The following RAB43 variants were observed in gnomAD, a reference collection of about 807,000 sequenced individuals.
RAB43 encodes the protein ras-related protein Rab-43.
In RAB43, 6 loss-of-function variants were observed where a neutral mutation model predicts 18.8. The ratio of observed to expected loss-of-function variants is 0.32; its 90% CI spans 0.17 to 0.63. The LOEUF (loss-of-function observed/expected upper bound fraction) is 0.63, where lower values mean the gene tolerates loss of function less well. RAB43 is among the 30% of genes least tolerant of loss of function. The pLI, the probability that RAB43 is intolerant of heterozygous loss-of-function variation, is 0.79. For synonymous variants in RAB43, 103 were observed against 124.1 expected (o/e 0.83, Z 1.13); for missense variants, 195 against 289.1 (o/e 0.67, Z 2.36).
Position 129,095,861 on chromosome 3 carries a change from C to CT in RAB43, c.205-693dup, listed in dbSNP as rs954812622. Reference sequence around the variant, plus strand: ...AAGAGGTGCCCATGGGTGGGAGGAGCTTCCCTAGTGTCTTTTAGAAGCAGA... The same window carrying CT: ...AAGAGGTGCCCATGGGTGGGAGGAGCTTTCCCTAGTGTCTTTTAGAAGCAGA... On this transcript the variant is annotated intron_variant, in intron 1 of 2. Coordinates refer to ENST00000315150, the MANE Select transcript of RAB43 (RefSeq NM_198490.3). The surrounding 1 kb of genome is among the most constrained non-coding windows in gnomAD (Gnocchi z 4.2). Among the ~76,000 whole-genome samples, 7 of 152,176 alleles carry CT rather than the reference C, an allele frequency of 4.6e-5. No individual in the cohort carries two copies. Among genetic ancestry groups the CT allele is most frequent in the African/African-American group, 1.7e-4 (7 of 41,434 alleles).
At chr3:129,096,908 T>A (rs1362150162) in intron 1 of RAB43, among the ~76,000 whole-genome samples, 1 of 151,770 alleles carries the variant, frequency 6.6e-6, no homozygotes, top group Non-Finnish European at 1.5e-5. Flanking sequence ...AGATCAAGAG[T>A]TCGAGACCAG....
intron 1 of RAB43, among the ~76,000 whole-genome samples, chr3:129,111,656 G>T (rs1250331856): frequency 6.6e-6 from 1 of 151,886 alleles, no homozygotes; most frequent in Non-Finnish European, 1.5e-5. Context: ...GAAACCCAAA[G>T]AAAACTGTAG....
chr3:129,113,165 TTATTA>T (rs1163340265), intron 1 of RAB43, among the ~76,000 whole-genome samples: 1 of 148,360 alleles, frequency 6.7e-6, no homozygotes, highest in Admixed American at 6.8e-5. Flanking sequence ...ATTATTATTA[TTATTA>T]TTTTTTTTTT....
At chr3:129,111,544 G>A (rs1013308455) in intron 1 of RAB43, among the ~76,000 whole-genome samples, 6 of 145,610 alleles carry the variant, frequency 4.1e-5, no homozygotes, top group Non-Finnish European at 6.0e-5. Flanking sequence ...GACCTGTGCT[G>A]CCAGCCATGG....
chr3:129,121,570 C>G lies in RAB43; in HGVS notation c.-81G>C. On this transcript the variant is annotated 5_prime_UTR_variant, in exon 1 of 3. Transcript: ENST00000315150. Reference sequence around the variant, plus strand: ...ACGCAAGCCGCGGGCCGAGCTCCGCCCGCTCCAGCCCACGGGCCGCCTGGC... The same window carrying G: ...ACGCAAGCCGCGGGCCGAGCTCCGCGCGCTCCAGCCCACGGGCCGCCTGGC... 8.1e-7 allele frequency: 1 copy of G among 1,235,780 alleles called. No homozygotes were observed. The highest frequency in any genetic ancestry group is 1.5e-5 in the South Asian group (1 of 65,202). The allele number at this position is 1,235,780 out of a possible 1,614,324, so 76.6% of individuals were successfully genotyped here.
At position 129,109,238 on chromosome 3, in the gene RAB43, A is replaced by G. The variant is rs555398659; in HGVS notation, c.204+12048T>C. 2.5e-3 allele frequency among the ~76,000 whole-genome samples: 376 copies of G among 151,854 alleles called. 1 individual carries two copies. The highest frequency in any genetic ancestry group is 3.2e-3 in the Non-Finnish European group (220 of 67,942). On this transcript the variant is annotated intron_variant, in intron 1 of 2. Coordinates refer to ENST00000315150, the MANE Select transcript of RAB43 (RefSeq NM_198490.3). Reference sequence around the variant, plus strand: ...ATCCTGGCTAACATGGTGAAACCCCATCTCTACTAAAAATACAAAAAATTA... The same window carrying G: ...ATCCTGGCTAACATGGTGAAACCCCGTCTCTACTAAAAATACAAAAAATTA...
At chr3:129,098,327 T>C (rs1234603181) in intron 1 of RAB43, among the ~76,000 whole-genome samples, 1 of 152,170 alleles carries the variant, frequency 6.6e-6, no homozygotes, top group Non-Finnish European at 1.5e-5. Flanking sequence ...AGAAACACCT[T>C]AGTCTTTCCA....
chr3:129,091,419 C>G (rs891357551), intron 2 of RAB43, 73 bp from the exon 3 acceptor site: 2 of 1,510,348 alleles, frequency 1.3e-6, no homozygotes, highest in South Asian at 2.5e-5. Context: ...GAGGGTCACG[C>G]TGACAGCCCC....
Position 129,092,670 on chromosome 3 carries a change from C to A in RAB43, c.389-1324G>T, listed in dbSNP as rs543114710. 1.6e-5 allele frequency: 8 copies of A among 490,820 alleles called. No individual in the cohort carries two copies. In the South Asian group the frequency reaches 1.9e-4, roughly 12 times the overall value. 30.4% of individuals were successfully genotyped at this position (490,820 alleles called of 1,614,324 possible). A position where few individuals can be genotyped will look rare whatever the true frequency, so the allele number is the denominator to read the frequency against. ...TATTTTCATAGCTGTATAAAATGTT[C>A]TATAGGCCGGGCGCGGTGGCTCACG... On this transcript the variant is annotated intron_variant, in intron 2 of 2. Coordinates refer to ENST00000315150, the MANE Select transcript of RAB43 (RefSeq NM_198490.3).
chr3:129,103,874 T>G (rs1039043544), intron 1 of RAB43, among the ~76,000 whole-genome samples: 9 of 152,226 alleles, frequency 5.9e-5, no homozygotes, highest in Admixed American at 6.5e-5. Context: ...CAAGAGGCCT[T>G]TCTTAAAAGA....
chr3:129,095,175 G>T lies in RAB43; in HGVS notation c.205-6C>A. Reference sequence around the variant, plus strand: ...GCCGTGTCCCAGATCTGCAGCTAAAGAAATAAGGTTCCTCAGTGAACCCAG... The same window carrying T: ...GCCGTGTCCCAGATCTGCAGCTAAATAAATAAGGTTCCTCAGTGAACCCAG... On this transcript the variant is annotated splice_region_variant and splice_polypyrimidine_tract_variant and intron_variant, in intron 1 of 2. Transcript: ENST00000315150. This position sits in a 1 kb window ranked among gnomAD's most constrained non-coding sequence, Gnocchi z 4.2. The T allele has an allele frequency of 6.2e-7, 1 of 1,612,876 alleles. No homozygotes were observed. The highest frequency in any genetic ancestry group is 8.5e-7 in the Non-Finnish European group (1 of 1,179,300).
At chr3:129,118,916 T>TA (rs1935719492) in intron 1 of RAB43, among the ~76,000 whole-genome samples, 2 of 152,186 alleles carry the variant, frequency 1.3e-5, no homozygotes, top group Non-Finnish European at 1.5e-5. Context: ...GGCTTTCAGT[T>TA]AAAATCACAC....
At position 129,091,263 on chromosome 3, in the gene RAB43, C is replaced by T. The variant is rs745501336; in HGVS notation, c.472G>A (p.Ala158Thr). The T allele has an allele frequency of 2.1e-5, 33 of 1,587,648 alleles. 1 individual carries two copies. In the East Asian group the frequency reaches 7.5e-4, roughly 36 times the overall value. Reference sequence around the variant, plus strand: ...GAGTCCTTGGCAGACGTCTCAATGGCACACAGGATGTCATAGTGCTCAGCC... The same window carrying T: ...GAGTCCTTGGCAGACGTCTCAATGGTACACAGGATGTCATAGTGCTCAGCC... ...SLAEHYDILC[A>T]IETSAKDSSN... Residue 158 changes from alanine to threonine, a missense_variant, in exon 3 of 3, where the codon GCC becomes ACC. By Grantham distance (58) the Ala-to-Thr change is moderately conservative. Coordinates refer to ENST00000315150, the MANE Select transcript of RAB43 (RefSeq NM_198490.3).
At chr3:129,119,612 CCACAGCTA>C (rs1935776430) in intron 1 of RAB43, among the ~76,000 whole-genome samples, 1 of 152,180 alleles carries the variant, frequency 6.6e-6, no homozygotes, top group Non-Finnish European at 1.5e-5. Context: ...GAGGTGTTTA[CCACAGCTA>C]CACAGCTCTT....
Position 129,121,361 on chromosome 3 carries a change from G to A in RAB43, c.129C>T (p.Phe43=). Residue 43 remains phenylalanine, a synonymous_variant, in exon 1 of 3, where the codon TTC becomes TTT. Coordinates refer to ENST00000315150, the MANE Select transcript of RAB43 (RefSeq NM_198490.3). ...CVVQRFKTGA[F]SERQGSTIGV... ...CGATGGTGCTTCCCTGGCGCTCCGAGAAGGCGCCGGTCTTGAAGCGCTGCA... is the reference window on the plus strand; with the variant it reads ...CGATGGTGCTTCCCTGGCGCTCCGAAAAGGCGCCGGTCTTGAAGCGCTGCA... 1 of 1,611,248 alleles carries A rather than the reference G, an allele frequency of 6.2e-7. No individual in the cohort carries two copies. The highest frequency in any genetic ancestry group is 8.5e-7 in the Non-Finnish European group (1 of 1,178,860).
chr3:129,121,568 G>T lies in RAB43; in HGVS notation c.-79C>A. On this transcript the variant is annotated 5_prime_UTR_variant, in exon 1 of 3. Transcript: ENST00000315150. ...TCACGCAAGCCGCGGGCCGAGCTCC[G>T]CCCGCTCCAGCCCACGGGCCGCCTG... 1.6e-6 allele frequency: 2 copies of T among 1,228,602 alleles called. No homozygotes were observed. Among genetic ancestry groups the T allele is most frequent in the Non-Finnish European group, 2.2e-6 (2 of 907,906 alleles). 76.1% of individuals were successfully genotyped at this position (1,228,602 alleles called of 1,614,324 possible). A position where few individuals can be genotyped will look rare whatever the true frequency, so the allele number is the denominator to read the frequency against.
rs547925513 is a variant in RAB43, at chr3:129,106,686, G to C, written c.205-11517C>G. 5.9e-5 allele frequency among the ~76,000 whole-genome samples: 9 copies of C among 152,332 alleles called. No individual in the cohort carries two copies. The East Asian group carries it at 1.4e-3, about 23-fold the overall frequency. On this transcript the variant is annotated intron_variant, in intron 1 of 2. Transcript: ENST00000315150. Reference sequence around the variant, plus strand: ...GGCGGCAGGCAGAGCAGACTGCAATGCATGCAGTCTGGTGTCGGGGGCACA... The same window carrying C: ...GGCGGCAGGCAGAGCAGACTGCAATCCATGCAGTCTGGTGTCGGGGGCACA...
intron 1 of RAB43, among the ~76,000 whole-genome samples, chr3:129,105,487 C>A (rs1274115438): frequency 3.4e-5 from 5 of 147,756 alleles, no homozygotes; most frequent in Non-Finnish European, 6.0e-5. Context: ...CAAAACAAAA[C>A]AAAAAAAACA....
At chr3:129,099,373 G>A (rs1028551207) in intron 1 of RAB43, among the ~76,000 whole-genome samples, 3 of 149,812 alleles carry the variant, frequency 2.0e-5, no homozygotes, top group African/African-American at 7.4e-5. Context: ...TTACAGGCGT[G>A]AGCCACCGCG....
Sources: allele counts gnomAD v4.1 joint callset (sites outside exome capture counted in the v4.1 genomes callset), GRCh38; gene constraint gnomAD v4.1.1; non-coding constraint Gnocchi (gnomAD v3.1); transcripts MANE v1.5; gene names NCBI Gene and HGNC (gene_info 2026-07-23, HGNC 2026-07-21).